Variants in THSD7B observed in about 807,000 individuals in gnomAD.
The protein encoded by THSD7B is thrombospondin type-1 domain-containing protein 7B.
THSD7B carries 138 observed loss-of-function variants against 213.6 expected under a neutral mutation model. The observed-to-expected ratio is 0.65, with a 90% CI of 0.56 to 0.74. THSD7B has a LOEUF of 0.74. Ranked by LOEUF, THSD7B falls within the 30% of genes least tolerant of loss-of-function variation. The pLI, the probability that THSD7B is intolerant of heterozygous loss-of-function variation, is 0.00. For synonymous variants in THSD7B, 742 were observed against 687.0 expected (o/e 1.08, Z -1.25); for missense variants, 1,931 against 1,991.5 (o/e 0.97, Z 0.58).
intron 12 of THSD7B, among the ~76,000 whole-genome samples, chr2:137,312,609 T>A (rs1207750326): frequency 2.0e-5 from 3 of 151,390 alleles, no homozygotes; most frequent in Non-Finnish European, 4.4e-5. Flanking sequence ...AGGGTGTCAA[T>A]TTTGGATCTT....
chr2:137,517,083 G>A (rs947303416), intron 15 of THSD7B, among the ~76,000 whole-genome samples: 5 of 152,350 alleles, frequency 3.3e-5, no homozygotes, highest in South Asian at 2.1e-4. Context: ...CCTGGTACCC[G>A]TTATGCAGCC....
intron 10 of THSD7B, among the ~76,000 whole-genome samples, chr2:137,261,662 A>G (rs1343221084): frequency 6.6e-6 from 1 of 152,158 alleles, no homozygotes; most frequent in Non-Finnish European, 1.5e-5. Context: ...ATTAACATGT[A>G]CCTTATGCAT....
rs560291804 is a variant in THSD7B, at chr2:137,610,122, G to T, written c.3424-6053G>T. 1.8e-4 allele frequency among the ~76,000 whole-genome samples: 27 copies of T among 152,164 alleles called. 1 individual carries two copies. The South Asian group carries it at 3.3e-3, about 19-fold the overall frequency. On this transcript the variant is annotated intron_variant, in intron 17 of 27. Transcript: ENST00000409968. ...TCAGAGACAATGGTTTGAGGGCATT[G>T]GTTTTAAAACTGGAACATGCATTAG...
chr2:137,511,701 T>C (rs748227036), intron 15 of THSD7B, among the ~76,000 whole-genome samples: 25 of 152,142 alleles, frequency 1.6e-4, no homozygotes, highest in Non-Finnish European at 2.6e-4. Flanking sequence ...GAGCTGTTTG[T>C]TGGTTGGTAA....
chr2:137,250,210 A>T (rs1036584420), intron 10 of THSD7B, among the ~76,000 whole-genome samples: 6 of 152,240 alleles, frequency 3.9e-5, no homozygotes, highest in African/African-American at 1.4e-4. Flanking sequence ...GCTATAATTT[A>T]TATGCATTAC....
intron 10 of THSD7B, among the ~76,000 whole-genome samples, chr2:137,247,641 A>G (rs1012324512): frequency 6.6e-6 from 1 of 152,180 alleles, no homozygotes; most frequent in African/African-American, 2.4e-5. Flanking sequence ...GCTAGAGAGC[A>G]GTGTCATGGT....
intron 17 of THSD7B, among the ~76,000 whole-genome samples, chr2:137,575,497 GA>G (rs1255956480): frequency 2.6e-5 from 4 of 151,942 alleles, no homozygotes; most frequent in Non-Finnish European, 5.9e-5. Context: ...AACTTTGAAT[GA>G]ATGGATTACT....
intron 2 of THSD7B, among the ~76,000 whole-genome samples, chr2:137,035,557 G>A (rs930170160): frequency 6.7e-6 from 1 of 150,118 alleles, no homozygotes; most frequent in African/African-American, 2.5e-5. Context: ...TTTCTGTTTT[G>A]TTTTGTTTTT....
intron 12 of THSD7B, among the ~76,000 whole-genome samples, chr2:137,311,241 C>T (rs1265168209): frequency 1.3e-5 from 2 of 151,204 alleles, no homozygotes; most frequent in Non-Finnish European, 1.5e-5. Context: ...AGTTGGATTC[C>T]TAGGTATTTT....
intron 3 of THSD7B, among the ~76,000 whole-genome samples, chr2:137,080,131 T>C (rs948405192): frequency 2.6e-5 from 4 of 151,952 alleles, no homozygotes; most frequent in African/African-American, 9.7e-5. Flanking sequence ...CGTGAGCCAC[T>C]GTGCCTAGTC....
chr2:137,555,088 G>C (rs893621510), intron 15 of THSD7B, among the ~76,000 whole-genome samples: 1 of 152,182 alleles, frequency 6.6e-6, no homozygotes, highest in Admixed American at 6.5e-5. Flanking sequence ...AAGGAGGCCT[G>C]CCTGCCTCTG....
chr2:136,827,742 A>G (rs891303766), intron 1 of THSD7B, among the ~76,000 whole-genome samples: 2 of 151,942 alleles, frequency 1.3e-5, no homozygotes, highest in Non-Finnish European at 2.9e-5. Context: ...GTAGAAAGGT[A>G]TGAGATATTT....
chr2:137,670,817 A>G (rs1339567614), intron 27 of THSD7B, among the ~76,000 whole-genome samples: 1 of 150,444 alleles, frequency 6.6e-6, no homozygotes, highest in Non-Finnish European at 1.5e-5. Flanking sequence ...GCTACTCCGG[A>G]GGCTGAGGCA....
intron 17 of THSD7B, among the ~76,000 whole-genome samples, chr2:137,579,381 C>T (rs1296575653): frequency 6.6e-6 from 1 of 152,144 alleles, no homozygotes; most frequent in Non-Finnish European, 1.5e-5. Flanking sequence ...GGTATAAAGC[C>T]AGCAGGCCCT....
intron 1 of THSD7B, among the ~76,000 whole-genome samples, chr2:136,840,849 C>T (rs1430603112): frequency 6.6e-6 from 1 of 151,892 alleles, no homozygotes. Flanking sequence ...AAGGGGCATG[C>T]AGTAAGTAGA....
At chr2:137,290,053 T>TA (rs1430244024) in intron 12 of THSD7B, among the ~76,000 whole-genome samples, 1 of 151,866 alleles carries the variant, frequency 6.6e-6, no homozygotes, top group Non-Finnish European at 1.5e-5. Context: ...TCCCGGTAGT[T>TA]ACGCATGATC....
At chr2:137,178,092 A>AG (rs1680392377) in intron 7 of THSD7B, among the ~76,000 whole-genome samples, 1 of 149,666 alleles carries the variant, frequency 6.7e-6, no homozygotes, top group Non-Finnish European at 1.5e-5. Flanking sequence ...AAAAAAAAAA[A>AG]GTAGTAGTAT....
chr2:137,268,601 G>A (rs1003176993), intron 10 of THSD7B, among the ~76,000 whole-genome samples: 11 of 152,248 alleles, frequency 7.2e-5, no homozygotes, highest in Middle Eastern at 3.4e-3. Context: ...CAGTGAGGAC[G>A]ACCAGAGGTC....
chr2:137,136,606 T>C (rs1290119325), intron 5 of THSD7B, among the ~76,000 whole-genome samples: 1 of 152,170 alleles, frequency 6.6e-6, no homozygotes, highest in African/African-American at 2.4e-5. Flanking sequence ...ATGTGTATGT[T>C]TTCTAGGAAC....
Sources: allele counts gnomAD v4.1 joint callset (sites outside exome capture counted in the v4.1 genomes callset), GRCh38; gene constraint gnomAD v4.1.1; transcripts MANE v1.5; gene names NCBI Gene and HGNC (gene_info 2026-07-23, HGNC 2026-07-21).